MYBPC1: variants seen among roughly 807,000 people sequenced by gnomAD.
The protein encoded by MYBPC1 is myosin binding protein C1, also known as myosin-binding protein C, slow-type.
A neutral mutation model predicts 147.1 loss-of-function variants in MYBPC1; 52 were observed. That is an observed-to-expected ratio of 0.35 (90% CI 0.28 to 0.45). MYBPC1 has a LOEUF of 0.45. Among genes scored for constraint, MYBPC1 ranks in the 20% least tolerant of loss-of-function variants. The pLI is 1.00. For missense variants in MYBPC1, 1,228 were observed against 1,440.3 expected (o/e 0.85, Z 2.39); for synonymous variants, 477 against 475.9 (o/e 1.00, Z -0.03).
Position 101,663,553 on chromosome 12 carries a change from T to C in MYBPC1, c.2349T>C (p.Phe783=), listed in dbSNP as rs769570970. The change falls in exon 22 of 32, where the codon TTT becomes TTC. Residue 783 remains phenylalanine (F), a synonymous_variant. Coordinates refer to ENST00000361466, the MANE Select transcript of MYBPC1 (RefSeq NM_002465.4). The stretch of plus-strand genomic sequence containing the variant: ...ATGGCTATGTGCTAGAGTATTGCTT[T>C]GAAGGAAGTAAGTACAACCAGTAGA... The part of the protein sequence containing the change: ...GLDGYVLEYC[F]EGTEDWIVAN... 3.7e-5 allele frequency: 59 copies of C among 1,613,962 alleles called. No homozygotes were observed. Among genetic ancestry groups the C allele is most frequent in the Non-Finnish European group, 4.5e-5 (53 of 1,180,012 alleles).
At chr12:101,667,339 C>T (rs1250422523) in intron 22 of MYBPC1, among the ~76,000 whole-genome samples, 3 of 152,116 alleles carry the variant, frequency 2.0e-5, no homozygotes, top group African/African-American at 7.2e-5. Context: ...ATAGCCTTTT[C>T]CTGTTTTTCT....
At chr12:101,611,680 A>G (rs915458151) in intron 1 of MYBPC1, among the ~76,000 whole-genome samples, 1 of 152,246 alleles carries the variant, frequency 6.6e-6, no homozygotes, top group Non-Finnish European at 1.5e-5. Context: ...AAACAGAAAC[A>G]TAAATATACA....
intron 25 of MYBPC1, among the ~76,000 whole-genome samples, chr12:101,673,925 C>A (rs921995020): frequency 1.3e-5 from 2 of 152,014 alleles, no homozygotes; most frequent in Non-Finnish European, 2.9e-5. Flanking sequence ...TGGTGGCGTG[C>A]ACCTGTAATC....
intron 2 of MYBPC1, 27 bp from the exon 3 acceptor site, chr12:101,617,175 A>G (rs768839946): frequency 6.2e-7 from 1 of 1,613,280 alleles, no homozygotes; most frequent in South Asian, 1.1e-5. Context: ...AGGCACTTTA[A>G]AAAATATGCT....
intron 2 of MYBPC1, chr12:101,614,745 T>G: frequency 1.6e-6 from 1 of 606,212 alleles, no homozygotes; most frequent in Non-Finnish European, 2.9e-6. Flanking sequence ...GGATGGCACT[T>G]CATATATATT....
At chr12:101,644,408 T>C (rs1892653674) in intron 11 of MYBPC1, among the ~76,000 whole-genome samples, 1 of 152,232 alleles carries the variant, frequency 6.6e-6, no homozygotes, top group Non-Finnish European at 1.5e-5. Flanking sequence ...TTAGGTCATT[T>C]TTAAAGCTTC....
chr12:101,651,606 C>T lies in MYBPC1; in HGVS notation c.1526+213C>T, dbSNP rs567430413. On this transcript the variant is annotated intron_variant, in intron 16 of 31. Transcript: ENST00000361466. Reference sequence around the variant, plus strand: ...TGTATCTGTACCTCACACTATGGTACTTTGTCTATTCAAAATCCATTGACT... The same window carrying T: ...TGTATCTGTACCTCACACTATGGTATTTTGTCTATTCAAAATCCATTGACT... 2.6e-5 allele frequency among the ~76,000 whole-genome samples: 4 copies of T among 152,172 alleles called. No homozygotes were observed. In the South Asian group the frequency reaches 8.3e-4, roughly 31 times the overall value.
chr12:101,694,811 G>A, the MYBPC1 span, among the ~76,000 whole-genome samples: 10 of 149,826 alleles, frequency 6.7e-5, no homozygotes, highest in African/African-American at 2.5e-4. Flanking sequence ...GTTCATAAGT[G>A]TACCTATAGT....
rs778424803 is a variant in MYBPC1 at position 101,631,718 on chromosome 12, G to A, written c.437G>A (p.Arg146Gln). The A allele has an allele frequency of 4.3e-6, 7 of 1,614,052 alleles. No homozygotes were observed. Among genetic ancestry groups the A allele is most frequent in the African/African-American group, 4.0e-5 (3 of 75,054 alleles). Residue 146 changes from arginine (R) to glutamine (Q), a missense_variant and splice_region_variant, in exon 7 of 32, where the codon CGG (arginine) becomes CAG (glutamine). By Grantham distance (43) the Arg-to-Gln change is conservative (BLOSUM62 1). Transcript: ENST00000361466. Reference protein sequence around the residue: ...QLKETFERHSRVYTFEMQIIK... With the variant: ...QLKETFERHSQVYTFEMQIIK... The stretch of plus-strand genomic sequence containing the variant: ...AAGGAAACCTTTGAGAGGCACAGTC[G>A]GGTAAGGCCCTGAACTCCCAGGACA...
Position 101,625,851 on chromosome 12 carries a change from C to T in MYBPC1, c.104-1021C>T, listed in dbSNP as rs1019877273. ...CTGTAATCCCAGCACTTTGGGAGGC[C>T]GAGGCGGGTGGATCACAAGGTCGAG... On this transcript the variant is annotated intron_variant, in intron 3 of 31. Transcript: ENST00000361466. Among the ~76,000 whole-genome samples the T allele has an allele frequency of 2.6e-5, 4 of 151,868 alleles. No homozygotes were observed. The East Asian group carries it at 5.8e-4, about 22-fold the overall frequency.
chr12:101,686,970 C>T (rs1328521425), downstream of MYBPC1, among the ~76,000 whole-genome samples: 1 of 152,138 alleles, frequency 6.6e-6, no homozygotes, highest in Admixed American at 6.5e-5. Flanking sequence ...CACCCCTGCT[C>T]CTATGCTCCC....
At chr12:101,670,483 G>T (rs1410460118) in intron 24 of MYBPC1, 74 bp downstream of exon 24, 1 of 1,228,782 alleles carries the variant, frequency 8.1e-7, no homozygotes, top group Admixed American at 1.7e-5. Context: ...AGGTACTCTA[G>T]CATTTAAGTT....
In MYBPC1 at chr12:101,614,705, TTA is replaced by T. The variant is rs1434420667; in HGVS notation, c.61+179_61+180del. ...GAATAATAAAAATAATACACTGTGTTTATATAATCCTCTTGTGTTAATCTAAT... is the reference window on the plus strand; with the variant it reads ...GAATAATAAAAATAATACACTGTGTTTATAATCCTCTTGTGTTAATCTAAT... On this transcript the variant is annotated intron_variant, in intron 2 of 31. Coordinates refer to ENST00000361466, the MANE Select transcript of MYBPC1 (RefSeq NM_002465.4). The T allele has an allele frequency of 7.3e-6, 5 of 683,322 alleles. No homozygotes were observed. The African/African-American group carries it at 8.9e-5, about 12-fold the overall frequency. The allele number at this position is 683,322 out of a possible 1,614,324, so 42.3% of individuals were successfully genotyped here. A position where few individuals can be genotyped will look rare whatever the true frequency, so the allele number is the denominator to read the frequency against.
intron 17 of MYBPC1, 124 bp from the exon 18 acceptor site, chr12:101,652,991 C>A: frequency 7.4e-7 from 1 of 1,344,240 alleles, no homozygotes; most frequent in Non-Finnish European, 1.0e-6. Context: ...ACTATCTTGA[C>A]TCCTCTTATA....
intron 18 of MYBPC1, among the ~76,000 whole-genome samples, chr12:101,659,333 A>G (rs554733928): frequency 6.6e-6 from 1 of 152,276 alleles, no homozygotes; most frequent in African/African-American, 2.4e-5. Context: ...TTAGTCCTCC[A>G]ATTTTCTCTT....
At chr12:101,678,061 A>G in intron 27 of MYBPC1, 41 bp from the exon 28 acceptor site, 2 of 1,595,506 alleles carry the variant, frequency 1.3e-6, no homozygotes, top group East Asian at 2.2e-5. Context: ...TCTCAGGCCA[A>G]TTTACATAAT....
At chr12:101,605,811 G>A (rs370093536) in intron 1 of MYBPC1, among the ~76,000 whole-genome samples, 2 of 152,034 alleles carry the variant, frequency 1.3e-5, no homozygotes, top group Non-Finnish European at 2.9e-5. Context: ...GTACTGAGCC[G>A]AGATCATGCC....
intron 23 of MYBPC1, among the ~76,000 whole-genome samples, chr12:101,668,236 A>G (rs770674700): frequency 2.0e-5 from 3 of 152,178 alleles, no homozygotes; most frequent in Non-Finnish European, 2.9e-5. Flanking sequence ...TATGCCTCCA[A>G]TGAATCTGCA....
At chr12:101,605,514 T>C (rs964140563) in intron 1 of MYBPC1, among the ~76,000 whole-genome samples, 1 of 152,234 alleles carries the variant, frequency 6.6e-6, no homozygotes, top group Non-Finnish European at 1.5e-5. Flanking sequence ...ACACTAACTT[T>C]AATTTGGAAT....
Sources: gnomAD v4.1 joint callset for allele counts (sites outside exome capture counted in the v4.1 genomes callset) on GRCh38, gnomAD v4.1.1 for gene constraint, MANE v1.5 for transcripts, NCBI Gene and HGNC (gene_info 2026-07-23, HGNC 2026-07-21) for gene names.